The following CDH18 variants were observed in gnomAD, a reference collection of about 807,000 sequenced individuals.
The protein encoded by CDH18 is cadherin-18.
In CDH18, 31 loss-of-function variants were observed where a neutral mutation model predicts 67.9. The ratio of observed to expected loss-of-function variants is 0.46; its 90% confidence interval spans 0.34 to 0.62. CDH18 has a LOEUF of 0.62. Among genes scored for constraint, CDH18 ranks in the 20% least tolerant of loss-of-function variants. The probability of loss-of-function intolerance (pLI) is 0.01; values close to 1 mark genes in which losing one functional copy is unlikely to be tolerated. For missense variants in CDH18, 890 were observed against 975.5 expected (o/e 0.91, Z 1.17); for synonymous variants, 362 against 347.2 (o/e 1.04, Z -0.48).
At chr5:19,481,952 T>C (rs901045555) in intron 12 of CDH18, among the ~76,000 whole-genome samples, 13 of 152,194 alleles carry the variant, frequency 8.5e-5, no homozygotes, top group African/African-American at 2.7e-4. Flanking sequence ...AATACAGATT[T>C]GCTATCTTGT....
chr5:20,101,526 T>C (rs1373760092), intron 2 of CDH18, among the ~76,000 whole-genome samples: 1 of 152,210 alleles, frequency 6.6e-6, no homozygotes, highest in Non-Finnish European at 1.5e-5. Flanking sequence ...GAAACGCTGC[T>C]AATTTCCACT....
In CDH18 at chr5:19,898,086, GAA is replaced by G. The variant is rs149825694; in HGVS notation, c.-256-58846_-256-58845del. Among the ~76,000 whole-genome samples, 669 of 152,110 alleles carry G rather than the reference GAA, an allele frequency of 4.4e-3. 1 individual carries two copies. The highest frequency in any genetic ancestry group is 6.9e-3 in the Non-Finnish European group (467 of 67,926). On this transcript the variant is annotated intron_variant, in intron 2 of 12. Coordinates refer to ENST00000382275, the MANE Select transcript of CDH18 (RefSeq NM_004934.5). ...CTATTCTGAATGTTCTTTAGTTCCA[GAA>G]ACTATACTAAAGAGATTGCAATGCA...
At chr5:19,899,326 C>T (rs1579491957) in intron 2 of CDH18, among the ~76,000 whole-genome samples, 1 of 149,682 alleles carries the variant, frequency 6.7e-6, no homozygotes, top group African/African-American at 2.5e-5. Flanking sequence ...CTTGAACCTG[C>T]GAGGCAGAGG....
At chr5:19,826,019 T>C (rs909195286) in intron 3 of CDH18, among the ~76,000 whole-genome samples, 5 of 152,028 alleles carry the variant, frequency 3.3e-5, no homozygotes, top group African/African-American at 1.2e-4. Context: ...AAAGATGAAA[T>C]GGCCATTTTA....
rs896666586 is a variant in CDH18 at position 19,796,061 on chromosome 5, T to A, written c.228+42698A>T. 1.3e-4 allele frequency among the ~76,000 whole-genome samples: 20 copies of A among 152,066 alleles called. No homozygotes were observed. The South Asian group carries it at 1.5e-3, about 11-fold the overall frequency. On this transcript the variant is annotated intron_variant, in intron 3 of 12. Coordinates refer to ENST00000382275, the MANE Select transcript of CDH18 (RefSeq NM_004934.5). ...ATCTGCAAAACAGAGAGAAAAACTG[T>A]CTCAGGGACACAAGGGACAATAAAA...
At chr5:19,675,184 T>C (rs1759303681) in intron 5 of CDH18, among the ~76,000 whole-genome samples, 1 of 152,022 alleles carries the variant, frequency 6.6e-6, no homozygotes, top group South Asian at 2.1e-4. Context: ...CACAAGGTAA[T>C]AAAATATCAC....
In CDH18 at chr5:20,208,558, T is replaced by TA. The variant is rs377172879; in HGVS notation, c.-518+46885dup. ...TGTAGACTCTGATCACTCACTGTAT[T>TA]AAAAAAAATGTAAAAATTATTTAAA... On this transcript the variant is annotated intron_variant, in intron 2 of 14. Transcript: ENST00000507958. Among the ~76,000 whole-genome samples, 21 of 151,976 alleles carry TA rather than the reference T, an allele frequency of 1.4e-4. No homozygotes were observed. The East Asian group carries it at 1.9e-3, about 14-fold the overall frequency.
intron 2 of CDH18, among the ~76,000 whole-genome samples, chr5:19,971,192 C>G (rs1326809201): frequency 6.6e-6 from 1 of 151,782 alleles, no homozygotes; most frequent in Non-Finnish European, 1.5e-5. Flanking sequence ...TGAAAATATT[C>G]AGAATATATA....
chr5:19,716,492 T>C (rs1195307795), intron 5 of CDH18, among the ~76,000 whole-genome samples: 2 of 152,070 alleles, frequency 1.3e-5, no homozygotes, highest in Non-Finnish European at 2.9e-5. Context: ...AATAACGCCA[T>C]GTCAAAATAA....
At position 19,721,204 on chromosome 5, in the gene CDH18, T is replaced by C. The variant is rs189252623; in HGVS notation, c.643+143A>G. On this transcript the variant is annotated intron_variant, in intron 5 of 12. Coordinates refer to ENST00000382275, the MANE Select transcript of CDH18 (RefSeq NM_004934.5). Reference sequence around the variant, plus strand: ...ATTTATTTTCAATTATTTCATTACATTGTTTTAGAAAAAGTGAGGATATGT... The same window carrying C: ...ATTTATTTTCAATTATTTCATTACACTGTTTTAGAAAAAGTGAGGATATGT... 1.3e-3 allele frequency: 1,002 copies of C among 755,688 alleles called. 7 individuals carry two copies. In the African/African-American group the frequency reaches 0.015, roughly 12 times the overall value. 46.8% of individuals were successfully genotyped at this position (755,688 alleles called of 1,614,324 possible).
rs565488310 is a variant in CDH18 at position 20,509,407 on chromosome 5, C to CTTTT, written c.-580+66051_-580+66054dup. Among the ~76,000 whole-genome samples, 525 of 139,312 alleles carry CTTTT rather than the reference C, an allele frequency of 3.8e-3. 12 individuals carry two copies. The highest frequency in any genetic ancestry group is 0.012 in the Middle Eastern group (3 of 260). The allele number at this position is 139,312 out of a possible 152,430, so 91.4% of individuals were successfully genotyped here. ...TGTTGTCCCAAATGACAGGATTTCCCTTTTTTTTTTTTTTTAGATGGAGTC... is the reference window on the plus strand; with the variant it reads ...TGTTGTCCCAAATGACAGGATTTCCCTTTTTTTTTTTTTTTTTTTAGATGGAGTC... On this transcript the variant is annotated intron_variant, in intron 1 of 14. Coordinates refer to the CDH18 transcript ENST00000507958.
At chr5:19,820,903 T>C (rs2149944914) in intron 3 of CDH18, among the ~76,000 whole-genome samples, 1 of 152,186 alleles carries the variant, frequency 6.6e-6, no homozygotes, top group African/African-American at 2.4e-5. Context: ...AACATTCATC[T>C]CAATCAAACA....
At chr5:20,279,309 A>G (rs993822218) in intron 1 of CDH18, among the ~76,000 whole-genome samples, 16 of 152,188 alleles carry the variant, frequency 1.1e-4, no homozygotes, top group Admixed American at 7.2e-4. Flanking sequence ...AAAATGAAGC[A>G]TATTATGTAA....
intron 1 of CDH18, among the ~76,000 whole-genome samples, chr5:20,341,574 T>C (rs1740267362): frequency 6.6e-6 from 1 of 151,828 alleles, no homozygotes; most frequent in African/African-American, 2.4e-5. Context: ...CAAACACTAA[T>C]ATAGAACTAA....
intron 7 of CDH18, among the ~76,000 whole-genome samples, chr5:19,582,854 A>C (rs1743495743): frequency 6.6e-6 from 1 of 151,940 alleles, no homozygotes; most frequent in Admixed American, 6.6e-5. Context: ...TACTAAATGC[A>C]AGTCAAAGGA....
Position 20,117,009 on chromosome 5 carries a change from A to ATG in CDH18, c.-517-124997_-517-124996dup, listed in dbSNP as rs112582550. 9.8e-3 allele frequency among the ~76,000 whole-genome samples: 1,455 copies of ATG among 149,078 alleles called. 3 individuals carry two copies. Among genetic ancestry groups the ATG allele is most frequent in the Non-Finnish European group, 0.011 (705 of 67,108 alleles). ...ACTATCTTTCCACTTGGAGAGATAA[A>ATG]TGTGTGTGTGTGTGTGTGTGAGTGT... On this transcript the variant is annotated intron_variant, in intron 2 of 14. Coordinates refer to the CDH18 transcript ENST00000507958.
intron 3 of CDH18, among the ~76,000 whole-genome samples, chr5:19,798,592 A>C (rs1286948989): frequency 6.6e-6 from 1 of 151,984 alleles, no homozygotes; most frequent in African/African-American, 2.4e-5. Context: ...TCATATCATG[A>C]AACAAGTTTT....
chr5:20,393,187 G>A (rs1476388243), intron 1 of CDH18, among the ~76,000 whole-genome samples: 1 of 151,916 alleles, frequency 6.6e-6, no homozygotes. Flanking sequence ...ATAGGATAAA[G>A]ATAGTGTGGC....
chr5:20,472,731 G>A (rs1752177856), intron 1 of CDH18, among the ~76,000 whole-genome samples: 1 of 152,148 alleles, frequency 6.6e-6, no homozygotes, highest in Non-Finnish European at 1.5e-5. Flanking sequence ...CGATGCCTGA[G>A]TTACTTGTTA....
Sources: allele counts gnomAD v4.1 joint callset (sites outside exome capture counted in the v4.1 genomes callset), GRCh38; gene constraint gnomAD v4.1.1; transcripts MANE v1.5; gene names NCBI Gene and HGNC (gene_info 2026-07-23, HGNC 2026-07-21).